The following GATA1 variants were observed in gnomAD, a reference collection of about 807,000 sequenced individuals.
The protein encoded by GATA1 is erythroid transcription factor.
GATA1 carries 2 observed loss-of-function variants against 18.9 expected under a neutral mutation model. The ratio of observed to expected loss-of-function variants is 0.11; its 90% CI spans 0.04 to 0.33. The LOEUF is 0.33. Ranked by LOEUF, GATA1 falls within the 10% of genes least tolerant of loss-of-function variation. The pLI is 1.00. For synonymous variants in GATA1, 152 were observed against 149.1 expected (o/e 1.02, Z -0.14); for missense variants, 272 against 344.7 (o/e 0.79, Z 1.67).
At position 48,793,937 on chromosome X, in the gene GATA1, G is replaced by A. The variant is rs1217297878; in HGVS notation, c.1015G>A (p.Gly339Arg). 1 of 1,202,692 alleles carries A rather than the reference G, an allele frequency of 8.3e-7. No individual in the cohort carries two copies. Among genetic ancestry groups the A allele is most frequent in the Non-Finnish European group, 1.1e-6 (1 of 890,930 alleles). The change falls in exon 6 of 6, where the codon GGG becomes AGG. Residue 339 changes from glycine to arginine, a missense_variant. Transcript: ENST00000376670. ...GPAGGFMVVA[G>R]GSGSGNCGEV... is the part of the protein sequence containing the mutation. ...AGCTGGTGGCTTTATGGTGGTGGCT[G>A]GGGGCAGCGGTAGCGGGAATTGTGG...
intron 1 of GATA1, among the ~76,000 whole-genome samples, chrX:48,788,815 C>T (rs782354675): frequency 2.7e-5 from 3 of 110,180 alleles, no homozygotes; most frequent in Admixed American, 9.7e-5. Flanking sequence ...GTAAGAGGCA[C>T]GTGGACATAA....
intron 1 of GATA1, among the ~76,000 whole-genome samples, chrX:48,787,608 C>G (rs1437027690): frequency 2.7e-5 from 3 of 111,057 alleles, no homozygotes; most frequent in Non-Finnish European, 5.7e-5. Flanking sequence ...CGCCCCGATC[C>G]CCCAACCTCG....
chrX:48,792,292 T>C (rs782435835), intron 3 of GATA1, 31 bp from the exon 4 acceptor site: 1 of 1,211,657 alleles, frequency 8.3e-7, no homozygotes, highest in Non-Finnish European at 1.1e-6. Flanking sequence ...GAGCTGAGCC[T>C]AGCTCCCTCT....
chrX:48,791,213 C>A lies in GATA1; in HGVS notation c.104C>A (p.Pro35His). The change falls in exon 2 of 6, where the codon CCC becomes CAC. Residue 35 changes from proline (P) to histidine (H), a missense_variant. Coordinates refer to ENST00000376670, the MANE Select transcript of GATA1 (RefSeq NM_002049.4). ...SSTPESGVFF[P>H]SGPEGLDAAA... ...ACACCAGAATCAGGGGTTTTCTTCC[C>A]CTCTGGGCCTGAGGGCTTGGATGCA... is the stretch of plus-strand genomic sequence containing the variant. The A allele has an allele frequency of 8.3e-7, 1 of 1,205,575 alleles. No homozygotes were observed. Among genetic ancestry groups the A allele is most frequent in the Non-Finnish European group, 1.1e-6 (1 of 892,276 alleles).
In GATA1 at chrX:48,794,237, A is replaced by C; in HGVS notation, c.*73A>C. 1 of 1,142,716 alleles carries C rather than the reference A, an allele frequency of 8.8e-7. No individual in the cohort carries two copies. The highest frequency in any genetic ancestry group is 3.0e-5 in the East Asian group (1 of 33,101). 94.2% of individuals were successfully genotyped at this position (1,142,716 alleles called of 1,213,427 possible). ...TGTAGCCAGAATTCTGGACAACCCA[A>C]GTCTCTGGGCCCCAGGCACCCCCTG... On this transcript the variant is annotated 3_prime_UTR_variant, in exon 6 of 6. Transcript: ENST00000376670.
intron 4 of GATA1, 38 bp downstream of exon 4, chrX:48,792,506 C>A (rs782323921): frequency 8.3e-7 from 1 of 1,203,099 alleles, no homozygotes; most frequent in South Asian, 1.8e-5. Context: ...TACACAGGAA[C>A]CCCTGTCCTC....
intron 1 of GATA1, among the ~76,000 whole-genome samples, chrX:48,789,411 A>G (rs1312982872): frequency 8.9e-6 from 1 of 111,773 alleles, no homozygotes; most frequent in African/African-American, 3.2e-5. Context: ...TTGAGAGGGA[A>G]CAGAGAGTCA....
rs1360162891 is a variant in GATA1, at chrX:48,790,978, T to TA, written c.-19-112dup. On this transcript the variant is annotated intron_variant, in intron 1 of 5. Coordinates refer to ENST00000376670, the MANE Select transcript of GATA1 (RefSeq NM_002049.4). ...GGAATGGGGAGGTGGGAAGGAGAAA[T>TA]ATGGAGACTGAGGTGATGGAGTGGG... is the stretch of plus-strand genomic sequence containing the variant. 6.1e-6 allele frequency: 3 copies of TA among 491,825 alleles called. No individual in the cohort carries two copies. In the Admixed American group the frequency reaches 9.1e-5, roughly 15 times the overall value. 40.5% of individuals were successfully genotyped at this position (491,825 alleles called of 1,213,427 possible).
Position 48,792,241 on chromosome X carries a change from A to G in GATA1, c.598+20A>G. 3 of 1,211,682 alleles carry G rather than the reference A, an allele frequency of 2.5e-6. No homozygotes were observed. Among genetic ancestry groups the G allele is most frequent in the South Asian group, 1.8e-5 (1 of 56,992 alleles). On this transcript the variant is annotated intron_variant, in intron 3 of 5. Coordinates refer to ENST00000376670, the MANE Select transcript of GATA1 (RefSeq NM_002049.4). ...CCTGTGGTGAGAAATTCAAAAAAGGACAGGGAAGTTGAGGTGGGAGGGGTG... is the reference window on the plus strand; with the variant it reads ...CCTGTGGTGAGAAATTCAAAAAAGGGCAGGGAAGTTGAGGTGGGAGGGGTG...
intron 1 of GATA1, among the ~76,000 whole-genome samples, chrX:48,789,790 AAC>A (rs1158807602): frequency 9.0e-6 from 1 of 111,044 alleles, no homozygotes; most frequent in Non-Finnish European, 1.9e-5. Flanking sequence ...CTGTAGACGC[AAC>A]AGAGGTGGAG....
At chrX:48,790,040 G>A (rs1413714762) in intron 1 of GATA1, among the ~76,000 whole-genome samples, 1 of 108,843 alleles carries the variant, frequency 9.2e-6, no homozygotes, top group African/African-American at 3.4e-5. Context: ...TGGAGGAGGG[G>A]AGGAGAGGAG....
At chrX:48,790,911 A>G (rs1412544586) in intron 1 of GATA1, among the ~76,000 whole-genome samples, 180 bp from the exon 2 acceptor site, 1 of 81,747 alleles carries the variant, frequency 1.2e-5, no homozygotes, top group Admixed American at 1.4e-4. Flanking sequence ...GGAGGAAGAG[A>G]AGGAGGGGAA....
At chrX:48,787,987 C>A (rs1557019454) in intron 1 of GATA1, among the ~76,000 whole-genome samples, 1 of 111,046 alleles carries the variant, frequency 9.0e-6, no homozygotes, top group Non-Finnish European at 1.9e-5. Flanking sequence ...GCTTTCATAT[C>A]CCCCAGCCTC....
intron 1 of GATA1, among the ~76,000 whole-genome samples, chrX:48,789,670 G>A (rs1557019690): frequency 9.0e-6 from 1 of 110,916 alleles, no homozygotes; most frequent in East Asian, 2.8e-4. Flanking sequence ...GAGGAAGTCA[G>A]TGGCCTTGGG....
chrX:48,792,345 C>T lies in GATA1; in HGVS notation c.621C>T (p.Cys207=), dbSNP rs782785151. Residue 207 remains cysteine, a synonymous_variant, in exon 4 of 6, where the codon TGC becomes TGT. Transcript: ENST00000376670. ...CAGAGGCCAGGGAGTGTGTGAACTG[C>T]GGAGCAACAGCCACTCCACTGTGGC... is the stretch of plus-strand genomic sequence containing the variant. ...PPCEARECVN[C]GATATPLWRR... is the part of the protein sequence containing the mutation. 19 of 1,209,873 alleles carry T rather than the reference C, an allele frequency of 1.6e-5. No homozygotes were observed. In the African/African-American group the frequency reaches 1.6e-4, roughly 10 times the overall value.
intron 1 of GATA1, among the ~76,000 whole-genome samples, chrX:48,788,308 C>G (rs1557019497): frequency 9.1e-6 from 1 of 109,765 alleles, no homozygotes; most frequent in Non-Finnish European, 1.9e-5. Flanking sequence ...AAAGGAAAAA[C>G]AGAGAGAGAG....
chrX:48,789,131 ACCT>A (rs1490262434), intron 1 of GATA1, among the ~76,000 whole-genome samples: 2 of 111,227 alleles, frequency 1.8e-5, no homozygotes, highest in African/African-American at 6.5e-5. Flanking sequence ...ACATGGCAAA[ACCT>A]CGTCTTTACT....
Position 48,793,820 on chromosome X carries a change from G to T in GATA1, c.898G>T (p.Asp300Tyr). 2 of 1,211,085 alleles carry T rather than the reference G, an allele frequency of 1.7e-6. No homozygotes were observed. The highest frequency in any genetic ancestry group is 2.2e-6 in the Non-Finnish European group (2 of 895,108). ...GAACCGGCCACTGACCATGCGGAAG[G>T]ATGGTATTCAGACTCGAAACCGCAA... Reference protein sequence around the residue: ...QVNRPLTMRKDGIQTRNRKAS... With the variant: ...QVNRPLTMRKYGIQTRNRKAS... Residue 300 changes from aspartate (D) to tyrosine (Y), a missense_variant, in exon 6 of 6, where the codon GAT becomes TAT. Around this residue, in one of 3 missense-constraint regions of GATA1, gnomAD observed 42 missense variants for 103.2 expected, o/e 0.41. Coordinates refer to ENST00000376670, the MANE Select transcript of GATA1 (RefSeq NM_002049.4).
intron 5 of GATA1, 32 bp downstream of exon 5, chrX:48,793,329 G>A: frequency 8.3e-7 from 1 of 1,201,386 alleles, no homozygotes; most frequent in South Asian, 1.8e-5. Context: ...CCACCCCTCT[G>A]CTTTCCCTGT....
Sources: gnomAD v4.1 joint callset for allele counts (sites outside exome capture counted in the v4.1 genomes callset) on GRCh38, gnomAD v4.1.1 for gene constraint, gnomAD v4.1.1 regional missense constraint, MANE v1.5 for transcripts, NCBI Gene and HGNC (gene_info 2026-07-23, HGNC 2026-07-21) for gene names.